RP1: variants seen among roughly 807,000 people sequenced by gnomAD.
The protein encoded by RP1 is RP1 axonemal microtubule associated.
Under a neutral mutation model 14.8 loss-of-function variants are expected in RP1, and 16 were observed. The ratio of observed to expected loss-of-function variants is 1.08; its 90% CI spans 0.73 to 1.65. The LOEUF is 1.65. Among genes scored for constraint, RP1 ranks in the 40% most tolerant of loss-of-function variants. RP1 has a pLI of 0.00. For missense variants in RP1, 2,631 were observed against 2,535.0 expected (o/e 1.04, Z -0.81); for synonymous variants, 876 against 883.6 (o/e 0.99, Z 0.15).
intron 12 of RP1, among the ~76,000 whole-genome samples, chr8:54,687,233 A>G (rs528140776): frequency 1.3e-5 from 2 of 152,168 alleles, no homozygotes; most frequent in Non-Finnish European, 2.9e-5. Flanking sequence ...ATTATTAGTT[A>G]AGCTGCGGAT....
intron 3 of RP1, among the ~76,000 whole-genome samples, chr8:54,638,018 G>A (rs1202459087): frequency 6.6e-6 from 1 of 152,102 alleles, no homozygotes; most frequent in Admixed American, 6.5e-5. Flanking sequence ...GGTCAGCTGT[G>A]CAGTTGTCAT....
intron 12 of RP1, among the ~76,000 whole-genome samples, chr8:54,684,725 C>T (rs1807517574): frequency 6.6e-6 from 1 of 151,982 alleles, no homozygotes; most frequent in South Asian, 2.1e-4. Context: ...AACTAGTGGC[C>T]TATTTTACTT....
intron 24 of RP1, among the ~76,000 whole-genome samples, chr8:54,786,763 T>C (rs192370065): frequency 1.4e-3 from 208 of 152,272 alleles, no homozygotes; most frequent in African/African-American, 4.8e-3. Context: ...TCATATTTTG[T>C]TATTTTTAAT....
intron 24 of RP1, among the ~76,000 whole-genome samples, chr8:54,817,751 A>G (rs1811167821): frequency 6.6e-6 from 1 of 152,174 alleles, no homozygotes; most frequent in Non-Finnish European, 1.5e-5. Flanking sequence ...TCATTATTCC[A>G]TCTGTTAATT....
At chr8:54,755,581 G>A (rs1809484723) in intron 20 of RP1, 2 of 1,531,554 alleles carry the variant, frequency 1.3e-6, no homozygotes, top group Non-Finnish European at 1.7e-6. Flanking sequence ...TCAAGGTAAT[G>A]TATTTCCTCT....
chr8:54,670,508 CAT>C (rs1181510500), intron 7 of RP1, among the ~76,000 whole-genome samples: 13 of 44,130 alleles, frequency 2.9e-4, no homozygotes, highest in Non-Finnish European at 6.9e-4. Flanking sequence ...TATATATACA[CAT>C]ATATATGTAT....
chr8:54,589,620 G>A (rs1467650680), intron 1 of RP1, among the ~76,000 whole-genome samples: 2 of 152,116 alleles, frequency 1.3e-5, no homozygotes, highest in Non-Finnish European at 2.9e-5. Flanking sequence ...TGTTAAGTCT[G>A]CACTTTGCTG....
At chr8:54,861,949 T>C (rs1812352274) in intron 27 of RP1, among the ~76,000 whole-genome samples, 1 of 152,020 alleles carries the variant, frequency 6.6e-6, no homozygotes, top group South Asian at 2.1e-4. Context: ...TCTAGGAGGG[T>C]GGTTCCCAAC....
At chr8:54,660,803 G>A (rs984549659) in intron 6 of RP1, among the ~76,000 whole-genome samples, 1 of 151,724 alleles carries the variant, frequency 6.6e-6, no homozygotes, top group Non-Finnish European at 1.5e-5. Flanking sequence ...GTAGAACCCT[G>A]GGTAAATATG....
At chr8:54,573,459 T>A (rs1454324931) in intron 1 of RP1, among the ~76,000 whole-genome samples, 2 of 152,226 alleles carry the variant, frequency 1.3e-5, no homozygotes, top group Non-Finnish European at 2.9e-5. Context: ...GAATGACTAA[T>A]GAACTCAGTT....
At chr8:54,737,786 A>G (rs1320881374) in intron 18 of RP1, among the ~76,000 whole-genome samples, 1 of 152,164 alleles carries the variant, frequency 6.6e-6, no homozygotes, top group African/African-American at 2.4e-5. Flanking sequence ...ATGAAAAAGG[A>G]GTTCTGATAG....
rs115071232 is a variant in RP1, at chr8:54,728,060, A to T, written c.2521+1584A>T. ...TGGATATGAAATCTGGGAAGTCCAG[A>T]TGATGAAGCTCCTCTAAGGCAAATG... On this transcript the variant is annotated intron_variant, in intron 17 of 22. Coordinates refer to the RP1 transcript ENST00000636932. Among the ~76,000 whole-genome samples the T allele has an allele frequency of 8.7e-3, 1,325 of 152,226 alleles. 24 individuals carry two copies. The highest frequency in any genetic ancestry group is 0.03 in the African/African-American group (1,250 of 41,544).
At chr8:54,860,094 C>A (rs1812308466) in intron 27 of RP1, among the ~76,000 whole-genome samples, 1 of 152,108 alleles carries the variant, frequency 6.6e-6, no homozygotes, top group Non-Finnish European at 1.5e-5. Flanking sequence ...AAGAGGTAGG[C>A]TGCACATTTG....
chr8:54,606,997 C>T (rs1805463178), intron 1 of RP1, among the ~76,000 whole-genome samples: 1 of 152,146 alleles, frequency 6.6e-6, no homozygotes, highest in African/African-American at 2.4e-5. Context: ...GAACCTCCTC[C>T]TTTAGCTCAG....
intron 1 of RP1, among the ~76,000 whole-genome samples, chr8:54,596,078 G>A (rs1488550301): frequency 1.3e-5 from 2 of 152,154 alleles, no homozygotes; most frequent in Admixed American, 6.5e-5. Context: ...AAATTCTTGG[G>A]ATATATAGAA....
intron 24 of RP1, among the ~76,000 whole-genome samples, chr8:54,815,515 C>A (rs1811117043): frequency 6.6e-6 from 1 of 152,154 alleles, no homozygotes; most frequent in Admixed American, 6.5e-5. Context: ...TAACAATATT[C>A]CTTACATAAA....
intron 28 of RP1, among the ~76,000 whole-genome samples, chr8:54,869,177 G>A (rs1390595394): frequency 6.6e-6 from 1 of 152,022 alleles, no homozygotes; most frequent in Non-Finnish European, 1.5e-5. Context: ...AATAATTGGT[G>A]GAGTCAGGAT....
chr8:54,736,390 T>A (rs1254523547), intron 18 of RP1, among the ~76,000 whole-genome samples: 1 of 152,152 alleles, frequency 6.6e-6, no homozygotes, highest in Non-Finnish European at 1.5e-5. Context: ...AATCACCCTC[T>A]CACTAGTTCT....
At chr8:54,755,708 G>A in exon 21 of RP1, 1 of 1,535,724 alleles carries the variant, frequency 6.5e-7, no homozygotes, top group Non-Finnish European at 8.7e-7. Flanking sequence ...TGGGGAGAGG[G>A]GAGACTCTGG....
Sources: allele counts gnomAD v4.1 joint callset (sites outside exome capture counted in the v4.1 genomes callset), GRCh38; gene constraint gnomAD v4.1.1; transcripts MANE v1.5; gene names NCBI Gene and HGNC (gene_info 2026-07-23, HGNC 2026-07-21).